Variants in SUSD1 observed in about 807,000 individuals in gnomAD.
SUSD1 encodes the protein sushi domain-containing protein 1.
Under a neutral mutation model 86.9 loss-of-function variants are expected in SUSD1, and 65 were observed. The ratio of observed to expected loss-of-function variants is 0.75; its 90% CI spans 0.61 to 0.92. The LOEUF is 0.92. Among genes scored for constraint, SUSD1 ranks in the 40% least tolerant of loss-of-function variants. The pLI is 0.00. For missense variants in SUSD1, 850 were observed against 929.7 expected, an observed-to-expected ratio of 0.91 and a Z score of 1.11; for synonymous variants, 346 against 350.0, an observed-to-expected ratio of 0.99 and a Z score of 0.13.
chr9:112,158,287 A>G (rs1833424538), intron 1 of SUSD1, among the ~76,000 whole-genome samples: 1 of 152,112 alleles, frequency 6.6e-6, no homozygotes, highest in African/African-American at 2.4e-5. Context: ...AATACTCTCT[A>G]TATACCTAAA....
At chr9:112,065,090 A>G (rs1389120011) in intron 12 of SUSD1, among the ~76,000 whole-genome samples, 1 of 152,240 alleles carries the variant, frequency 6.6e-6, no homozygotes, top group Non-Finnish European at 1.5e-5. Context: ...CCACACGATT[A>G]GCAAGTCGTA....
At chr9:112,057,337 C>A in intron 14 of SUSD1, among the ~76,000 whole-genome samples, 1 of 152,154 alleles carries the variant, frequency 6.6e-6, no homozygotes, top group Non-Finnish European at 1.5e-5. Context: ...ATATACCCTC[C>A]CCAACCAAAG....
intron 8 of SUSD1, among the ~76,000 whole-genome samples, chr9:112,105,513 G>T (rs1051641132): frequency 1.3e-5 from 2 of 152,174 alleles, no homozygotes; most frequent in Non-Finnish European, 2.9e-5. Flanking sequence ...GAGGTCAGGA[G>T]TTTGAGATCA....
intron 1 of SUSD1, among the ~76,000 whole-genome samples, chr9:112,166,325 G>A (rs1833826835): frequency 6.6e-6 from 1 of 152,202 alleles, no homozygotes; most frequent in African/African-American, 2.4e-5. Flanking sequence ...AAAAAGTCCT[G>A]TGTCCCAGGA....
chr9:112,163,887 G>C (rs1008259682), intron 1 of SUSD1, among the ~76,000 whole-genome samples: 8 of 151,886 alleles, frequency 5.3e-5, no homozygotes, highest in African/African-American at 1.5e-4. Context: ...TGTAATCCCA[G>C]CTACTCAGGT....
At chr9:112,053,464 A>G (rs888409412) in intron 14 of SUSD1, among the ~76,000 whole-genome samples, 2 of 147,352 alleles carry the variant, frequency 1.4e-5, no homozygotes, top group Non-Finnish European at 3.0e-5. Context: ...CAGTGAGCCA[A>G]GACCACACCA....
At position 112,149,232 on chromosome 9, in the gene SUSD1, C is replaced by A; in HGVS notation, c.373+12G>T. 6.2e-7 allele frequency: 1 copy of A among 1,613,808 alleles called. No individual in the cohort carries two copies. Among genetic ancestry groups the A allele is most frequent in the Non-Finnish European group, 8.5e-7 (1 of 1,179,716 alleles). ...CGCCAATTGTCAACACCGCAGCCCCCTTCTTGAGTACCTGTACAAAAGGTG... is the reference window on the plus strand; with the variant it reads ...CGCCAATTGTCAACACCGCAGCCCCATTCTTGAGTACCTGTACAAAAGGTG... On this transcript the variant is annotated intron_variant, in intron 3 of 16. Transcript: ENST00000374270.
chr9:112,042,613 G>A (rs1198328400), intron 15 of SUSD1, among the ~76,000 whole-genome samples: 1 of 152,224 alleles, frequency 6.6e-6, no homozygotes, highest in Non-Finnish European at 1.5e-5. Context: ...CCAAGTGACT[G>A]ACTTAGAGAA....
intron 1 of SUSD1, among the ~76,000 whole-genome samples, chr9:112,159,184 AC>A (rs1052784247): frequency 3.3e-5 from 5 of 152,308 alleles, no homozygotes; most frequent in African/African-American, 1.2e-4. Context: ...AAGAATTTCT[AC>A]CCAAGGCTAT....
chr9:112,158,415 G>C (rs535000619), intron 1 of SUSD1, among the ~76,000 whole-genome samples: 1 of 151,676 alleles, frequency 6.6e-6, no homozygotes, highest in Non-Finnish European at 1.5e-5. Context: ...TTTTGAGGTA[G>C]AGTCTGACTC....
At chr9:112,103,263 G>A (rs997847830) in intron 8 of SUSD1, 15 of 342,064 alleles carry the variant, frequency 4.4e-5, no homozygotes, top group Non-Finnish European at 8.1e-5. Context: ...CAGCCAGCTG[G>A]GGAAAATATT....
chr9:112,081,083 A>G (rs1829748509), intron 10 of SUSD1, among the ~76,000 whole-genome samples: 1 of 152,220 alleles, frequency 6.6e-6, no homozygotes, highest in African/African-American at 2.4e-5. Context: ...CAAGTAGTCA[A>G]GAAAGACTAT....
chr9:112,130,421 A>C (rs1831969519), intron 5 of SUSD1, among the ~76,000 whole-genome samples: 1 of 149,402 alleles, frequency 6.7e-6, no homozygotes. Flanking sequence ...GGGGAGGGGA[A>C]AGAGGAGAGA....
intron 6 of SUSD1, among the ~76,000 whole-genome samples, chr9:112,115,516 T>C (rs1202268523): frequency 2.0e-5 from 3 of 152,120 alleles, no homozygotes; most frequent in African/African-American, 7.2e-5. Context: ...AATACTCCAA[T>C]TGTGGGCCAA....
chr9:112,123,247 A>G (rs897455991), intron 6 of SUSD1, among the ~76,000 whole-genome samples: 2 of 152,186 alleles, frequency 1.3e-5, no homozygotes, highest in African/African-American at 2.4e-5. Context: ...GGAAGTTGAC[A>G]ATCGTGGCAG....
intron 8 of SUSD1, among the ~76,000 whole-genome samples, chr9:112,107,124 T>C (rs1246517221): frequency 6.6e-6 from 1 of 151,388 alleles, no homozygotes; most frequent in Non-Finnish European, 1.5e-5. Flanking sequence ...TTAAGTGATC[T>C]GCACACCTGT....
chr9:112,046,940 G>A (rs774537799), intron 15 of SUSD1, among the ~76,000 whole-genome samples: 3 of 152,150 alleles, frequency 2.0e-5, no homozygotes, highest in African/African-American at 4.8e-5. Flanking sequence ...CACAAACTTA[G>A]GTAGCTTTAA....
At chr9:112,075,828 G>A (rs1362313607) in intron 12 of SUSD1, among the ~76,000 whole-genome samples, 3 of 152,172 alleles carry the variant, frequency 2.0e-5, no homozygotes, top group Non-Finnish European at 2.9e-5. Flanking sequence ...GAGTACTAGC[G>A]TGGAGGCTGG....
intron 10 of SUSD1, among the ~76,000 whole-genome samples, chr9:112,090,900 T>C (rs981387039): frequency 2.0e-5 from 3 of 152,044 alleles, no homozygotes; most frequent in Non-Finnish European, 1.5e-5. Context: ...GATTAGAAAA[T>C]GAAGGTACTA....
Sources: gnomAD v4.1 joint callset for allele counts (sites outside exome capture counted in the v4.1 genomes callset) on GRCh38, gnomAD v4.1.1 for gene constraint, MANE v1.5 for transcripts, NCBI Gene and HGNC (gene_info 2026-07-23, HGNC 2026-07-21) for gene names.